Variants in CDKAL1 observed in about 807,000 individuals in gnomAD.
The protein encoded by CDKAL1 is threonylcarbamoyladenosine tRNA methylthiotransferase.
CDKAL1 carries 32 observed loss-of-function variants against 68.2 expected under a neutral mutation model. The observed-to-expected ratio is 0.47, with a 90% CI of 0.35 to 0.63. The LOEUF (loss-of-function observed/expected upper bound fraction) is 0.63, where lower values mean the gene tolerates loss of function less well. CDKAL1 is among the 30% of genes least tolerant of loss of function. The pLI is 0.00. For synonymous variants in CDKAL1, 234 were observed against 244.3 expected (o/e 0.96, Z 0.39); for missense variants, 606 against 696.7 (o/e 0.87, Z 1.47).
At chr6:21,119,047 G>A (rs986642189) in intron 13 of CDKAL1, among the ~76,000 whole-genome samples, 3 of 152,040 alleles carry the variant, frequency 2.0e-5, no homozygotes, top group African/African-American at 7.2e-5. Flanking sequence ...TAACTTAAAA[G>A]TTTCACTGGA....
intron 2 of CDKAL1, among the ~76,000 whole-genome samples, chr6:20,536,695 G>T (rs1414131664): frequency 6.6e-6 from 1 of 152,090 alleles, no homozygotes; most frequent in African/African-American, 2.4e-5. Context: ...TGGAGTTCAA[G>T]AATTTTCATT....
In CDKAL1 at chr6:21,153,877, A is replaced by G. The variant is rs140531698; in HGVS notation, c.1300-44144A>G. On this transcript the variant is annotated intron_variant, in intron 13 of 15. Transcript: ENST00000274695. ...GCAGGTCCTCTGGATGTTTAAAGTC[A>G]TTTGAGAAGGACACTGGACTTTTTT... Among the ~76,000 whole-genome samples the G allele has an allele frequency of 2.0e-3, 303 of 152,296 alleles. 2 individuals carry two copies. Among genetic ancestry groups the G allele is most frequent in the African/African-American group, 7.0e-3 (289 of 41,546 alleles).
intron 5 of CDKAL1, among the ~76,000 whole-genome samples, chr6:20,689,020 G>A (rs989359116): frequency 6.6e-6 from 1 of 152,182 alleles, no homozygotes; most frequent in African/African-American, 2.4e-5. Flanking sequence ...GCTAGACTTG[G>A]CTGGAGCTGG....
chr6:20,584,220 T>C (rs1055949577), intron 4 of CDKAL1, among the ~76,000 whole-genome samples: 4 of 152,058 alleles, frequency 2.6e-5, no homozygotes, highest in Non-Finnish European at 5.9e-5. Flanking sequence ...TAAATAGGGG[T>C]CTGTGGTGTC....
At chr6:20,782,928 A>G (rs147566502) in intron 8 of CDKAL1, among the ~76,000 whole-genome samples, 50 of 152,158 alleles carry the variant, frequency 3.3e-4, no homozygotes, top group African/African-American at 1.1e-3. Flanking sequence ...TGAAAAATGC[A>G]GATTTTTTTT....
At chr6:20,634,941 TACTCC>T (rs1468547650) in intron 4 of CDKAL1, among the ~76,000 whole-genome samples, 1 of 138,352 alleles carries the variant, frequency 7.2e-6, no homozygotes, top group Non-Finnish European at 1.5e-5. Context: ...TGCACCATTG[TACTCC>T]AGTCTGGGCA....
intron 8 of CDKAL1, among the ~76,000 whole-genome samples, chr6:20,783,593 T>G (rs1329741962): frequency 3.3e-5 from 5 of 152,170 alleles, no homozygotes; most frequent in Admixed American, 2.6e-4. Flanking sequence ...TGGGTGAGCC[T>G]CCTGCACTCA....
intron 2 of CDKAL1, among the ~76,000 whole-genome samples, chr6:20,536,776 C>A (rs1287609611): frequency 3.9e-5 from 6 of 152,042 alleles, no homozygotes; most frequent in African/African-American, 1.2e-4. Context: ...AGTTTGAGAC[C>A]AGCCTGGACA....
intron 8 of CDKAL1, among the ~76,000 whole-genome samples, chr6:20,784,408 A>AT (rs1402113263): frequency 3.0e-4 from 7 of 22,988 alleles, no homozygotes; most frequent in African/African-American, 9.1e-4. Context: ...CAGATATTTT[A>AT]TTTCTTTTTT....
Position 20,598,493 on chromosome 6 carries a change from A to G in CDKAL1, c.286+49788A>G, listed in dbSNP as rs961416897. Among the ~76,000 whole-genome samples, 20 of 152,216 alleles carry G rather than the reference A, an allele frequency of 1.3e-4. No individual in the cohort carries two copies. The South Asian group carries it at 1.7e-3, about 13-fold the overall frequency. On this transcript the variant is annotated intron_variant, in intron 4 of 15. Coordinates refer to ENST00000274695, the MANE Select transcript of CDKAL1 (RefSeq NM_017774.3). ...TTACATGAAGTATGGCATACGATACATATCTGACACATCTTGCTAAAAAGC... is the reference window on the plus strand; with the variant it reads ...TTACATGAAGTATGGCATACGATACGTATCTGACACATCTTGCTAAAAAGC...
chr6:20,629,156 T>G (rs1767563467), intron 4 of CDKAL1, among the ~76,000 whole-genome samples: 1 of 152,238 alleles, frequency 6.6e-6, no homozygotes, highest in Non-Finnish European at 1.5e-5. Context: ...TTTATATCTT[T>G]GACATTTTTT....
At position 20,893,965 on chromosome 6, in the gene CDKAL1, C is replaced by T. The variant is rs547273934; in HGVS notation, c.742+47787C>T. 3.9e-5 allele frequency among the ~76,000 whole-genome samples: 6 copies of T among 152,050 alleles called. No individual in the cohort carries two copies. In the South Asian group the frequency reaches 6.2e-4, roughly 16 times the overall value. ...TTTATGTTAATAATGCAGTCCTTGT[C>T]GAAGCATTCAAATGGTGTGATTATA... On this transcript the variant is annotated intron_variant, in intron 9 of 15. Transcript: ENST00000274695.
intron 4 of CDKAL1, among the ~76,000 whole-genome samples, chr6:20,642,794 A>G (rs982012811): frequency 3.9e-5 from 6 of 152,094 alleles, no homozygotes; most frequent in African/African-American, 1.4e-4. Context: ...TGGGAAACAT[A>G]AAAATGACAT....
chr6:20,961,416 A>G (rs1166579520), intron 10 of CDKAL1, among the ~76,000 whole-genome samples: 1 of 152,202 alleles, frequency 6.6e-6, no homozygotes, highest in Non-Finnish European at 1.5e-5. Flanking sequence ...ATAGAGGGGA[A>G]CAACAGATAC....
intron 5 of CDKAL1, among the ~76,000 whole-genome samples, chr6:20,652,604 C>T (rs1768825016): frequency 1.3e-5 from 2 of 152,110 alleles, no homozygotes; most frequent in Non-Finnish European, 2.9e-5. Context: ...TCTAATCGGC[C>T]CCCTGTGCCC....
chr6:21,121,033 G>A (rs1426930540), intron 13 of CDKAL1, among the ~76,000 whole-genome samples: 1 of 152,150 alleles, frequency 6.6e-6, no homozygotes, highest in Non-Finnish European at 1.5e-5. Flanking sequence ...TATTGGCCGA[G>A]ACCCACTCAG....
chr6:20,982,798 C>T (rs1561935383), intron 10 of CDKAL1, among the ~76,000 whole-genome samples: 1 of 151,996 alleles, frequency 6.6e-6, no homozygotes, highest in Non-Finnish European at 1.5e-5. Context: ...CAATTTCCCC[C>T]TCTAATATAA....
chr6:21,109,840 G>A lies in CDKAL1; in HGVS notation c.1299+1377G>A, dbSNP rs192812655. 3.9e-5 allele frequency among the ~76,000 whole-genome samples: 6 copies of A among 152,298 alleles called. No individual in the cohort carries two copies. The East Asian group carries it at 1.2e-3, about 29-fold the overall frequency. Reference sequence around the variant, plus strand: ...TAACAACAACAACAAAAAAGGCGATGGCAAATCAGAGGTTTTGCCTGGCTT... The same window carrying A: ...TAACAACAACAACAAAAAAGGCGATAGCAAATCAGAGGTTTTGCCTGGCTT... On this transcript the variant is annotated intron_variant, in intron 13 of 15. Coordinates refer to ENST00000274695, the MANE Select transcript of CDKAL1 (RefSeq NM_017774.3).
chr6:20,755,975 G>A (rs1018183171), intron 6 of CDKAL1: 10 of 152,144 alleles, frequency 6.6e-5, no homozygotes, highest in Non-Finnish European at 1.3e-4. Flanking sequence ...GGCAACAGGT[G>A]GGAATTTGCT....
Sources: allele counts gnomAD v4.1 joint callset (sites outside exome capture counted in the v4.1 genomes callset), GRCh38; gene constraint gnomAD v4.1.1; transcripts MANE v1.5; gene names NCBI Gene and HGNC (gene_info 2026-07-23, HGNC 2026-07-21).